Variants in PDE4D observed in about 807,000 individuals in gnomAD.
PDE4D encodes 3',5'-cyclic-AMP phosphodiesterase 4D.
In PDE4D, 24 loss-of-function variants were observed where a neutral mutation model predicts 87.4. The ratio of observed to expected loss-of-function variants is 0.27; its 90% CI spans 0.20 to 0.39. The LOEUF is 0.39. Ranked by LOEUF, PDE4D falls within the 10% of genes least tolerant of loss-of-function variation. PDE4D has a pLI of 1.00. For synonymous variants in PDE4D, 384 were observed against 383.2 expected, an observed-to-expected ratio of 1.00 and a Z score of -0.02; for missense variants, 714 against 1,041.0, an observed-to-expected ratio of 0.69 and a Z score of 4.32.
At chr5:59,558,871 A>G (rs908323548) in intron 1 of PDE4D, 13 of 152,226 alleles carry the variant, frequency 8.5e-5, no homozygotes, top group Non-Finnish European at 2.9e-5. Context: ...CATAATATGA[A>G]TGTCCAATTT....
intron 1 of PDE4D, among the ~76,000 whole-genome samples, chr5:60,404,147 C>A (rs181352150): frequency 6.7e-6 from 1 of 148,844 alleles, no homozygotes; most frequent in African/African-American, 2.5e-5. Context: ...CCCAGCACCC[C>A]GAGTCAGCCA....
intron 6 of PDE4D, among the ~76,000 whole-genome samples, chr5:59,002,266 C>CT (rs1188215900): frequency 3.9e-5 from 6 of 152,126 alleles, no homozygotes; most frequent in Admixed American, 3.3e-4. Context: ...GACAAATAAT[C>CT]TTTTTAGTGT....
At chr5:59,155,357 G>A (rs1427415898) in intron 5 of PDE4D, among the ~76,000 whole-genome samples, 2 of 152,132 alleles carry the variant, frequency 1.3e-5, no homozygotes, top group Non-Finnish European at 2.9e-5. Flanking sequence ...AAAACATGTT[G>A]AATAAATATT....
At chr5:59,406,869 T>G (rs1791762456) in intron 1 of PDE4D, among the ~76,000 whole-genome samples, 1 of 152,238 alleles carries the variant, frequency 6.6e-6, no homozygotes, top group Admixed American at 6.5e-5. Context: ...ATTTGTTTCT[T>G]AAACTCTTTT....
intron 1 of PDE4D, among the ~76,000 whole-genome samples, chr5:59,642,956 T>C (rs1741856664): frequency 6.6e-6 from 1 of 152,072 alleles, no homozygotes; most frequent in Admixed American, 6.6e-5. Flanking sequence ...ATCTCTACAT[T>C]TTTTTTTCCA....
At chr5:60,295,158 G>A (rs1753263842) in intron 1 of PDE4D, among the ~76,000 whole-genome samples, 1 of 151,986 alleles carries the variant, frequency 6.6e-6, no homozygotes, top group Middle Eastern at 3.2e-3. Flanking sequence ...AGTTTTAATT[G>A]TCCATTGTAT....
intron 1 of PDE4D, among the ~76,000 whole-genome samples, chr5:60,240,002 C>T (rs751454317): frequency 6.1e-4 from 93 of 152,076 alleles, no homozygotes; most frequent in Non-Finnish European, 1.1e-3. Flanking sequence ...TCCAGATGTA[C>T]AGGGATTATT....
intron 1 of PDE4D, among the ~76,000 whole-genome samples, chr5:59,781,771 C>G (rs917307432): frequency 1.7e-5 from 2 of 114,952 alleles, no homozygotes; most frequent in Non-Finnish European, 3.3e-5. Flanking sequence ...GGCGACAGAG[C>G]GACACTCCAT....
intron 1 of PDE4D, among the ~76,000 whole-genome samples, chr5:59,687,767 A>G (rs1333867259): frequency 1.3e-5 from 2 of 152,058 alleles, no homozygotes; most frequent in Non-Finnish European, 2.9e-5. Context: ...AAAAGATGCT[A>G]ACTGGCAAAT....
chr5:60,442,109 T>C (rs1745274315), intron 1 of PDE4D, among the ~76,000 whole-genome samples: 1 of 152,160 alleles, frequency 6.6e-6, no homozygotes, highest in Non-Finnish European at 1.5e-5. Flanking sequence ...CAAAGGACTA[T>C]AAATCATGCT....
intron 2 of PDE4D, among the ~76,000 whole-genome samples, chr5:60,158,547 A>G (rs972093103): frequency 6.6e-6 from 1 of 152,108 alleles, no homozygotes; most frequent in East Asian, 1.9e-4. Flanking sequence ...CTCTTAAGCT[A>G]TGCTAAATTT....
At chr5:60,472,971 C>T (rs1747926328) in intron 1 of PDE4D, among the ~76,000 whole-genome samples, 1 of 151,828 alleles carries the variant, frequency 6.6e-6, no homozygotes, top group East Asian at 1.9e-4. Context: ...AATGCATTTT[C>T]AACTTATGAT....
intron 2 of PDE4D, among the ~76,000 whole-genome samples, chr5:60,146,735 G>A (rs574229798): frequency 1.2e-4 from 18 of 152,144 alleles, no homozygotes; most frequent in African/African-American, 2.7e-4. Flanking sequence ...ATGAATATTC[G>A]CACCTGATAT....
intron 1 of PDE4D, among the ~76,000 whole-genome samples, chr5:59,381,750 T>A (rs993268682): frequency 6.6e-6 from 1 of 152,154 alleles, no homozygotes; most frequent in Non-Finnish European, 1.5e-5. Flanking sequence ...CTACTCCTTA[T>A]CTGAAATAGT....
chr5:60,116,682 A>T (rs1422894160), intron 2 of PDE4D, among the ~76,000 whole-genome samples: 1 of 152,120 alleles, frequency 6.6e-6, no homozygotes, highest in East Asian at 1.9e-4. Context: ...AGAAAAAAAA[A>T]TCAAAGATCT....
intron 1 of PDE4D, among the ~76,000 whole-genome samples, chr5:60,451,657 G>A (rs1746105732): frequency 1.3e-5 from 2 of 152,064 alleles, no homozygotes; most frequent in African/African-American, 2.4e-5. Flanking sequence ...TCCCAAGGAG[G>A]AAAACTTGCA....
intron 1 of PDE4D, among the ~76,000 whole-genome samples, chr5:59,306,436 T>C (rs1352324420): frequency 3.3e-5 from 5 of 152,322 alleles, no homozygotes; most frequent in Non-Finnish European, 7.3e-5. Flanking sequence ...TCATGCTCTT[T>C]GTTGCCTGTA....
At chr5:59,143,130 C>A (rs1428484158) in intron 5 of PDE4D, among the ~76,000 whole-genome samples, 3 of 150,748 alleles carry the variant, frequency 2.0e-5, no homozygotes, top group East Asian at 3.9e-4. Flanking sequence ...CCTTCCCTTA[C>A]TTCCTGCCTC....
chr5:60,462,833 A>G (rs1175394423), intron 1 of PDE4D, among the ~76,000 whole-genome samples: 1 of 152,116 alleles, frequency 6.6e-6, no homozygotes, highest in Non-Finnish European at 1.5e-5. Flanking sequence ...CTCATTAGAG[A>G]GTGTTTGTGT....
Sources: allele counts gnomAD v4.1 joint callset (sites outside exome capture counted in the v4.1 genomes callset), GRCh38; gene constraint gnomAD v4.1.1; transcripts MANE v1.5; gene names NCBI Gene and HGNC (gene_info 2026-07-23, HGNC 2026-07-21).